Variants in CDCA2 observed in about 807,000 individuals in gnomAD.
CDCA2 encodes cell division cycle associated 2.
In CDCA2, 44 loss-of-function variants were observed where a neutral mutation model predicts 67.0. That is an observed-to-expected ratio of 0.66 (90% CI 0.52 to 0.84). The LOEUF (loss-of-function observed/expected upper bound fraction) is 0.84. CDCA2 is among the 40% of genes least tolerant of loss of function. The pLI is 0.00. For synonymous variants in CDCA2, 447 were observed against 418.7 expected (o/e 1.07, Z -0.82); for missense variants, 1,253 against 1,203.2 (o/e 1.04, Z -0.61).
Position 25,506,826 on chromosome 8 carries a change from A to C in CDCA2, c.2160A>C (p.Glu720Asp). The C allele has an allele frequency of 6.2e-7, 1 of 1,614,066 alleles. No individual in the cohort carries two copies. The highest frequency in any genetic ancestry group is 1.1e-5 in the South Asian group (1 of 91,060). Residue 720 changes from glutamate to aspartate, a missense_variant, in exon 15 of 15, where the codon GAA becomes GAC. Glu to Asp is a conservative substitution (Grantham distance 45). Coordinates refer to ENST00000330560, the MANE Select transcript of CDCA2 (RefSeq NM_152562.4). ...TTTCTTGTGCTTCTGTAACTGAAGA[A>C]CGTGTGGCATCAGATAGTCCCAAAC... Reference protein sequence around the residue: ...SPVSCASVTEERVASDSPKPA... With the variant: ...SPVSCASVTEDRVASDSPKPA...
chr8:25,464,576 C>G (rs1802824943), intron 4 of CDCA2, among the ~76,000 whole-genome samples: 1 of 152,138 alleles, frequency 6.6e-6, no homozygotes, highest in Non-Finnish European at 1.5e-5. Flanking sequence ...AAACATTGTT[C>G]TCCTTCTCCA....
chr8:25,463,746 C>T (rs1276339921), intron 4 of CDCA2, among the ~76,000 whole-genome samples: 2 of 152,166 alleles, frequency 1.3e-5, no homozygotes, highest in Non-Finnish European at 2.9e-5. Context: ...CACCCGGCTG[C>T]TCAGAATCTT....
intron 5 of CDCA2, among the ~76,000 whole-genome samples, chr8:25,467,041 CAAAAAAAAAAAAAA>C (rs59618544): frequency 2.6e-4 from 13 of 49,182 alleles, no homozygotes; most frequent in African/African-American, 1.2e-3. Context: ...GAGTCCCTTT[CAAAAAAAAAAAAAA>C]AAAAAAAAAA....
At chr8:25,460,358 C>G (rs1156794762) in intron 2 of CDCA2, 26 bp from the exon 3 acceptor site, 5 of 1,614,072 alleles carry the variant, frequency 3.1e-6, no homozygotes, top group Non-Finnish European at 3.4e-6. Context: ...GTTGTCCTCA[C>G]CCCTACAATA....
chr8:25,465,296 G>T (rs1452576643), intron 4 of CDCA2, among the ~76,000 whole-genome samples: 3 of 152,024 alleles, frequency 2.0e-5, no homozygotes, highest in Admixed American at 6.6e-5. Context: ...TATCTTAAAC[G>T]GAGGTAATTT....
At chr8:25,476,946 AC>A (rs1324715698) in intron 7 of CDCA2, among the ~76,000 whole-genome samples, 1 of 151,986 alleles carries the variant, frequency 6.6e-6, no homozygotes. Context: ...TGAATTGTTA[AC>A]TTTTCTTATT....
rs1804560471 is a variant in CDCA2, at chr8:25,503,564, G to A, written c.1843+20G>A. On this transcript the variant is annotated intron_variant, in intron 14 of 14. Coordinates refer to ENST00000330560, the MANE Select transcript of CDCA2 (RefSeq NM_152562.4). ...GTTCAGGTATCCTGACATTTTCCTGGTAGTTATATTTTATCTTTTCTCTTC... is the reference window on the plus strand; with the variant it reads ...GTTCAGGTATCCTGACATTTTCCTGATAGTTATATTTTATCTTTTCTCTTC... 1 of 1,574,862 alleles carries A rather than the reference G, an allele frequency of 6.3e-7. No individual in the cohort carries two copies. The highest frequency in any genetic ancestry group is 8.6e-7 in the Non-Finnish European group (1 of 1,166,658).
chr8:25,488,498 T>C, intron 12 of CDCA2, 54 bp from the exon 13 acceptor site: 1 of 1,493,482 alleles, frequency 6.7e-7, no homozygotes, highest in East Asian at 2.4e-5. Flanking sequence ...GAGCAGCACA[T>C]TAACATGTAA....
At chr8:25,494,587 T>C (rs921067243) in intron 13 of CDCA2, among the ~76,000 whole-genome samples, 1 of 152,184 alleles carries the variant, frequency 6.6e-6, no homozygotes, top group African/African-American at 2.4e-5. Context: ...GGAACCAATT[T>C]CCCTACAGAT....
At chr8:25,496,352 T>C (rs775401851) in intron 13 of CDCA2, among the ~76,000 whole-genome samples, 2 of 152,128 alleles carry the variant, frequency 1.3e-5, no homozygotes, top group African/African-American at 2.4e-5. Context: ...GAAAATAAAA[T>C]TTGAGCTCTA....
At chr8:25,465,809 C>T (rs140524746) in intron 4 of CDCA2, among the ~76,000 whole-genome samples, 70 of 152,248 alleles carry the variant, frequency 4.6e-4, no homozygotes, top group African/African-American at 1.7e-3. Flanking sequence ...CTGAGACTTA[C>T]CTGTGACACA....
chr8:25,506,894 G>T lies in CDCA2; in HGVS notation c.2228G>T (p.Gly743Val), dbSNP rs757100618. The change falls in exon 15 of 15, where the codon GGT becomes GTT. Residue 743 changes from glycine (G) to valine (V), a missense_variant. By Grantham distance (109) the Gly-to-Val change is moderately radical (BLOSUM62 -3). Coordinates refer to ENST00000330560, the MANE Select transcript of CDCA2 (RefSeq NM_152562.4). ...CAGGGTCAAGAATTTTCTGCTGGTG[G>T]TCAAAATGCAGAAAACCTTTGTCAG... is the stretch of plus-strand genomic sequence containing the variant. ...LQQGQEFSAG[G>V]QNAENLCQFF... 1 of 1,612,216 alleles carries T rather than the reference G, an allele frequency of 6.2e-7. No individual in the cohort carries two copies. Among genetic ancestry groups the T allele is most frequent in the Non-Finnish European group, 8.5e-7 (1 of 1,179,140 alleles).
At chr8:25,466,404 G>A in intron 5 of CDCA2, 79 bp downstream of exon 5, 1 of 1,317,230 alleles carries the variant, frequency 7.6e-7, no homozygotes, top group East Asian at 2.7e-5. Context: ...GATTTAGTGT[G>A]AAGCCAATCT....
At chr8:25,482,273 A>C (rs562492398) in intron 8 of CDCA2, among the ~76,000 whole-genome samples, 2 of 152,218 alleles carry the variant, frequency 1.3e-5, no homozygotes, top group Non-Finnish European at 2.9e-5. Context: ...AGATTCAAAT[A>C]CTAAGAATAG....
chr8:25,501,230 G>C (rs889641950), intron 13 of CDCA2, among the ~76,000 whole-genome samples: 1 of 152,180 alleles, frequency 6.6e-6, no homozygotes, highest in Non-Finnish European at 1.5e-5. Flanking sequence ...ATCTTGTACA[G>C]TTCTAAAATT....
chr8:25,494,276 A>G (rs936838309), intron 13 of CDCA2, among the ~76,000 whole-genome samples: 13 of 152,128 alleles, frequency 8.5e-5, no homozygotes, highest in Non-Finnish European at 5.9e-5. Context: ...CCTGGTCAAC[A>G]TAGCACAACC....
At position 25,488,699 on chromosome 8, in the gene CDCA2, T is replaced by C. The variant is rs556001577; in HGVS notation, c.1671+10T>C. 4 of 1,586,154 alleles carry C rather than the reference T, an allele frequency of 2.5e-6. No individual in the cohort carries two copies. Among genetic ancestry groups the C allele is most frequent in the Non-Finnish European group, 3.4e-6 (4 of 1,171,014 alleles). Reference sequence around the variant, plus strand: ...TCCTAAGAAGAGTCAGGTAAGCATGTGTTTAAAGATATAATAAAGAGTAGA... The same window carrying C: ...TCCTAAGAAGAGTCAGGTAAGCATGCGTTTAAAGATATAATAAAGAGTAGA... On this transcript the variant is annotated intron_variant, in intron 13 of 14. Transcript: ENST00000330560.
At chr8:25,485,210 A>AAT (rs1554524011) in intron 10 of CDCA2, among the ~76,000 whole-genome samples, 1,548 of 34,558 alleles carry the variant, frequency 0.045, 113 homozygotes, top group East Asian at 0.4. Context: ...TAATAATAAT[A>AAT]AAGAAAAAGC....
In CDCA2 at chr8:25,489,692, G is replaced by C. The variant is rs143834307; in HGVS notation, c.1671+1003G>C. ...GTTCTTAATGGACATCTTAGCATTT[G>C]ACATGATGGAACACTCCTGTACAGT... On this transcript the variant is annotated intron_variant, in intron 13 of 14. Coordinates refer to ENST00000330560, the MANE Select transcript of CDCA2 (RefSeq NM_152562.4). Among the ~76,000 whole-genome samples, 106 of 152,284 alleles carry C rather than the reference G, an allele frequency of 7.0e-4. 1 individual carries two copies. The highest frequency in any genetic ancestry group is 2.5e-3 in the African/African-American group (104 of 41,556).
Sources: gnomAD v4.1 joint callset for allele counts (sites outside exome capture counted in the v4.1 genomes callset) on GRCh38, gnomAD v4.1.1 for gene constraint, MANE v1.5 for transcripts, NCBI Gene and HGNC (gene_info 2026-07-23, HGNC 2026-07-21) for gene names.